Variants in AP1B1 observed in about 807,000 individuals in gnomAD.
AP1B1 encodes adaptor related protein complex 1 subunit beta 1.
A neutral mutation model predicts 104.3 loss-of-function variants in AP1B1; 36 were observed. The ratio of observed to expected loss-of-function variants is 0.35; its 90% confidence interval spans 0.26 to 0.46. The LOEUF is 0.46. Among genes scored for constraint, AP1B1 ranks in the 20% least tolerant of loss-of-function variants. AP1B1 has a pLI of 1.00. For missense variants in AP1B1, 901 were observed against 1,247.9 expected, an observed-to-expected ratio of 0.72 and a Z score of 4.19; for synonymous variants, 504 against 517.5, an observed-to-expected ratio of 0.97 and a Z score of 0.35.
intron 22 of AP1B1, 133 bp from the exon 23 acceptor site, chr22:29,329,028 TG>T: frequency 6.8e-7 from 1 of 1,469,052 alleles, no homozygotes; most frequent in Non-Finnish European, 9.0e-7. Flanking sequence ...CAGCTGCGCC[TG>T]GCACAGATGT....
chr22:29,358,678 G>A, intron 5 of AP1B1, 48 bp downstream of exon 5: 1 of 1,578,634 alleles, frequency 6.3e-7, no homozygotes, highest in South Asian at 1.2e-5. Flanking sequence ...GTCTTCCCAA[G>A]CAACCCAGGA....
At chr22:29,372,441 A>G (rs945886400) in intron 1 of AP1B1, among the ~76,000 whole-genome samples, 6 of 150,974 alleles carry the variant, frequency 4.0e-5, no homozygotes, top group African/African-American at 7.3e-5. Flanking sequence ...AAAAAAAAAA[A>G]GAAAAAAGAA....
chr22:29,342,748 C>G (rs1352936397), intron 11 of AP1B1, among the ~76,000 whole-genome samples: 1 of 152,154 alleles, frequency 6.6e-6, no homozygotes, highest in African/African-American at 2.4e-5. Context: ...GACCATCTGT[C>G]AACAAGTGGC....
rs2062012232 is a variant in AP1B1, at chr22:29,359,600, C to T, written c.279+224G>A. The T allele has an allele frequency of 1.2e-5, 6 of 480,532 alleles. No homozygotes were observed. The South Asian group carries it at 2.4e-4, about 19-fold the overall frequency. The allele number at this position is 480,532 out of a possible 1,614,324, so 29.8% of individuals were successfully genotyped here. Reference sequence around the variant, plus strand: ...TCAGGGCAGTGAGGGGATCAACAGGCCTGGCAGGACCTCACACAGGATGAG... The same window carrying T: ...TCAGGGCAGTGAGGGGATCAACAGGTCTGGCAGGACCTCACACAGGATGAG... On this transcript the variant is annotated intron_variant, in intron 4 of 22. Coordinates refer to ENST00000357586, the MANE Select transcript of AP1B1 (RefSeq NM_001127.4).
At chr22:29,348,923 A>G (rs1157710860) in intron 11 of AP1B1, among the ~76,000 whole-genome samples, 1 of 152,256 alleles carries the variant, frequency 6.6e-6, no homozygotes, top group Non-Finnish European at 1.5e-5. Flanking sequence ...ATGCTTTTGT[A>G]TCAATTTTAA....
intron 1 of AP1B1, among the ~76,000 whole-genome samples, chr22:29,382,939 T>C (rs1340479390): frequency 6.6e-6 from 1 of 152,202 alleles, no homozygotes; most frequent in East Asian, 1.9e-4. Flanking sequence ...ATCTGACCTA[T>C]ATTTTAATAA....
At chr22:29,381,176 C>G (rs1334011549) in intron 1 of AP1B1, among the ~76,000 whole-genome samples, 2 of 152,154 alleles carry the variant, frequency 1.3e-5, no homozygotes, top group African/African-American at 4.8e-5. Context: ...ATGTCATCTT[C>G]TCATTGAGGC....
chr22:29,381,287 T>C (rs1475919706), intron 1 of AP1B1, among the ~76,000 whole-genome samples: 2 of 152,166 alleles, frequency 1.3e-5, no homozygotes, highest in Non-Finnish European at 2.9e-5. Flanking sequence ...ACTTATTACC[T>C]ATTACCTACA....
At chr22:29,356,682 A>C (rs1467034414) in intron 5 of AP1B1, 66 bp from the exon 6 acceptor site, 1 of 1,462,168 alleles carries the variant, frequency 6.8e-7, no homozygotes, top group East Asian at 2.3e-5. Flanking sequence ...GCAGTGCATT[A>C]ATGATGCTGG....
intron 1 of AP1B1, among the ~76,000 whole-genome samples, chr22:29,384,826 C>G (rs2062496076): frequency 1.3e-5 from 2 of 152,184 alleles, no homozygotes; most frequent in Middle Eastern, 6.8e-3. Flanking sequence ...CAAGATCGCG[C>G]CACTGCACTC....
intron 22 of AP1B1, chr22:29,329,325 T>C (rs1337340598): frequency 7.6e-5 from 88 of 1,164,706 alleles, no homozygotes; most frequent in Non-Finnish European, 8.9e-5. Flanking sequence ...CATTCCTGGT[T>C]TCCTGCGTAG....
intron 22 of AP1B1, 48 bp downstream of exon 22, chr22:29,329,664 G>A (rs1243291273): frequency 1.2e-6 from 2 of 1,612,454 alleles, no homozygotes; most frequent in African/African-American, 2.7e-5. Flanking sequence ...CATGACAGGA[G>A]ACAAGACTGG....
In AP1B1 at chr22:29,350,050, C is replaced by T. The variant is rs376113782; in HGVS notation, c.1256G>A (p.Arg419His). ...EAIVVIKDIF[R>H]KYPNKYESVI... Reference sequence around the variant, plus strand: ...GGGCACGCACTTGTTGGGGTACTTGCGGAAGATGTCCTTGATGACCACGAT... The same window carrying T: ...GGGCACGCACTTGTTGGGGTACTTGTGGAAGATGTCCTTGATGACCACGAT... Residue 419 changes from arginine to histidine, a missense_variant, in exon 10 of 23, where the codon CGC (arginine) becomes CAC (histidine). This residue lies in a region of AP1B1 where 471 missense variants were observed against 696.7 expected (regional missense o/e 0.68). Transcript: ENST00000357586. The T allele has an allele frequency of 2.5e-6, 4 of 1,614,158 alleles. No individual in the cohort carries two copies. Among genetic ancestry groups the T allele is most frequent in the South Asian group, 1.1e-5 (1 of 91,084 alleles).
intron 1 of AP1B1, among the ~76,000 whole-genome samples, chr22:29,379,237 C>T (rs927119888): frequency 5.3e-5 from 8 of 152,096 alleles, no homozygotes; most frequent in Non-Finnish European, 8.8e-5. Context: ...CCTATAGTCC[C>T]AACTACTCAG....
rs201826297 is a variant in AP1B1, at chr22:29,356,455, A to G, written c.687T>C (p.Tyr229=). 40 of 1,614,068 alleles carry G rather than the reference A, an allele frequency of 2.5e-5. No homozygotes were observed. Among genetic ancestry groups the G allele is most frequent in the Non-Finnish European group, 3.2e-5 (38 of 1,180,014 alleles). The change falls in exon 6 of 23, where the codon TAT becomes TAC. Residue 229 remains tyrosine, a synonymous_variant. Transcript: ENST00000357586. ...QIFILDCLAN[Y]MPKDDREAQS... is the part of the protein sequence containing the mutation. ...GGGCCTCGCGGTCGTCCTTGGGCAT[A>G]TAGTTGGCGAGGCAGTCCAGGATGA...
chr22:29,342,642 C>T (rs1363846514), intron 11 of AP1B1, among the ~76,000 whole-genome samples: 2 of 152,198 alleles, frequency 1.3e-5, no homozygotes, highest in South Asian at 2.1e-4. Flanking sequence ...GGCCAGGGGC[C>T]GCTGCCCAGC....
intron 6 of AP1B1, among the ~76,000 whole-genome samples, chr22:29,356,225 C>T (rs2061955556): frequency 6.6e-6 from 1 of 152,246 alleles, no homozygotes; most frequent in Non-Finnish European, 1.5e-5. Flanking sequence ...ATGCCCATAG[C>T]TGCCCAAGGC....
At chr22:29,348,538 T>C (rs913365519) in intron 11 of AP1B1, among the ~76,000 whole-genome samples, 2 of 152,208 alleles carry the variant, frequency 1.3e-5, no homozygotes, top group Non-Finnish European at 2.9e-5. Context: ...GAATTGACAA[T>C]ATATATTAAC....
chr22:29,355,151 C>T (rs572457600), intron 6 of AP1B1, among the ~76,000 whole-genome samples: 2 of 151,878 alleles, frequency 1.3e-5, no homozygotes, highest in East Asian at 1.9e-4. Flanking sequence ...ACATGAGAAT[C>T]GCTTGAACCC....
Sources: gnomAD v4.1 joint callset for allele counts (sites outside exome capture counted in the v4.1 genomes callset) on GRCh38, gnomAD v4.1.1 for gene constraint, gnomAD v4.1.1 regional missense constraint, MANE v1.5 for transcripts, NCBI Gene and HGNC (gene_info 2026-07-23, HGNC 2026-07-21) for gene names.